The following TNRC6A variants were observed in gnomAD, a reference collection of about 807,000 sequenced individuals.
TNRC6A encodes trinucleotide repeat containing adaptor 6A, also known as trinucleotide repeat-containing gene 6A protein.
In TNRC6A, 44 loss-of-function variants were observed where a neutral mutation model predicts 221.2. The ratio of observed to expected loss-of-function variants is 0.20; its 90% CI spans 0.16 to 0.26. The LOEUF (loss-of-function observed/expected upper bound fraction) is 0.26, where lower values mean the gene tolerates loss of function less well. Ranked by LOEUF, TNRC6A falls within the 10% of genes least tolerant of loss-of-function variation. The probability of loss-of-function intolerance (pLI) is 1.00; values close to 1 mark genes in which losing one functional copy is unlikely to be tolerated. For synonymous variants in TNRC6A, 847 were observed against 838.5 expected (o/e 1.01, Z -0.18); for missense variants, 2,199 against 2,404.4 (o/e 0.91, Z 1.79).
chr16:24,818,620 T>A lies in TNRC6A; in HGVS notation c.5000T>A (p.Leu1667Gln), dbSNP rs756061242. Residue 1667 changes from leucine to glutamine, a missense_variant, in exon 21 of 25, where the codon CTG (leucine) becomes CAG (glutamine). This residue lies in a region of TNRC6A where 449 missense variants were observed against 579.7 expected (regional missense o/e 0.77). Transcript: ENST00000395799. The part of the protein sequence containing the change: ...SGSSSSLNTT[L>Q]PSTSAWSSIR... Reference sequence around the variant, plus strand: ...TCATCCTCATCCTTGAACACCACGCTGCCTTCAACTAGTGCCTGGTCATCC... The same window carrying A: ...TCATCCTCATCCTTGAACACCACGCAGCCTTCAACTAGTGCCTGGTCATCC... 1 of 1,614,178 alleles carries A rather than the reference T, an allele frequency of 6.2e-7. No individual in the cohort carries two copies. The highest frequency in any genetic ancestry group is 2.2e-5 in the East Asian group (1 of 44,888).
chr16:24,733,181 C>T (rs1396301383), intron 2 of TNRC6A, among the ~76,000 whole-genome samples: 1 of 152,110 alleles, frequency 6.6e-6, no homozygotes, highest in African/African-American at 2.4e-5. Flanking sequence ...GCACTCCAGC[C>T]TACTTGACAG....
chr16:24,678,566 A>C (rs994515442), intron 2 of TNRC6A, among the ~76,000 whole-genome samples: 2 of 152,136 alleles, frequency 1.3e-5, no homozygotes, highest in Non-Finnish European at 2.9e-5. Flanking sequence ...CCAGCCAGGC[A>C]TGGTGGCGCA....
chr16:24,716,788 T>C (rs2056320779), intron 2 of TNRC6A, among the ~76,000 whole-genome samples: 1 of 150,876 alleles, frequency 6.6e-6, no homozygotes, highest in Admixed American at 6.6e-5. Context: ...TGAAACCCCG[T>C]CTCTACGAAA....
chr16:24,756,347 T>C (rs1197263122), intron 3 of TNRC6A, among the ~76,000 whole-genome samples: 3 of 152,210 alleles, frequency 2.0e-5, no homozygotes, highest in Admixed American at 1.3e-4. Context: ...TTTTTAATAA[T>C]TTGAATAATA....
chr16:24,647,091 C>G (rs1261524436), intron 2 of TNRC6A, among the ~76,000 whole-genome samples: 1 of 151,970 alleles, frequency 6.6e-6, no homozygotes, highest in African/African-American at 2.4e-5. Flanking sequence ...CCACCACACT[C>G]AGCCATTTTT....
intron 3 of TNRC6A, among the ~76,000 whole-genome samples, chr16:24,756,350 G>T (rs529464826): frequency 1.3e-5 from 2 of 152,182 alleles, no homozygotes; most frequent in East Asian, 1.9e-4. Context: ...TTAATAATTT[G>T]AATAATATAC....
At chr16:24,631,971 A>C (rs1246335062) in intron 1 of TNRC6A, among the ~76,000 whole-genome samples, 1 of 151,656 alleles carries the variant, frequency 6.6e-6, no homozygotes, top group East Asian at 1.9e-4. Context: ...GGATCCTCCT[A>C]TCTCAGCCTC....
Position 24,818,617 on chromosome 16 carries a change from C to T in TNRC6A, c.4997C>T (p.Thr1666Met), listed in dbSNP as rs35122306. 1.0e-3 allele frequency: 1,620 copies of T among 1,614,036 alleles called. 4 individuals are homozygous for T. Among genetic ancestry groups the T allele is most frequent in the Non-Finnish European group, 1.3e-3 (1,488 of 1,179,998 alleles). The change falls in exon 21 of 25, where the codon ACG (threonine) becomes ATG (methionine). Residue 1666 changes from threonine to methionine, a missense_variant. Around this residue, in one of 8 missense-constraint regions of TNRC6A, gnomAD observed 449 missense variants for 579.7 expected, o/e 0.77. Transcript: ENST00000395799. ...NSGSSSSLNT[T>M]LPSTSAWSSI... is the part of the protein sequence containing the mutation. ...GGGTCATCCTCATCCTTGAACACCA[C>T]GCTGCCTTCAACTAGTGCCTGGTCA... is the stretch of plus-strand genomic sequence containing the variant.
chr16:24,642,845 C>T (rs1380192906), intron 2 of TNRC6A, among the ~76,000 whole-genome samples: 1 of 151,434 alleles, frequency 6.6e-6, no homozygotes, highest in African/African-American at 2.4e-5. Flanking sequence ...GTGTTCAAGA[C>T]CAGCCTAGGC....
At chr16:24,690,023 A>T (rs1412635128) in intron 2 of TNRC6A, among the ~76,000 whole-genome samples, 1 of 98,486 alleles carries the variant, frequency 1.0e-5, no homozygotes, top group Non-Finnish European at 2.5e-5. Flanking sequence ...AAAAAAAAAA[A>T]AAAATTTTTT....
Position 24,790,834 on chromosome 16 carries a change from A to G in TNRC6A, c.2192A>G (p.Asn731Ser). 2 of 1,614,190 alleles carry G rather than the reference A, an allele frequency of 1.2e-6. No homozygotes were observed. Among genetic ancestry groups the G allele is most frequent in the Non-Finnish European group, 1.7e-6 (2 of 1,180,050 alleles). The change falls in exon 6 of 25, where the codon AAT becomes AGT. Residue 731 changes from asparagine to serine, a missense_variant. Transcript: ENST00000395799. ...TGGGGACAGACTCCTATTAAGCAGA[A>G]TACTGCCTGGGATACAGAAACATCA... Reference protein sequence around the residue: ...SGWGQTPIKQNTAWDTETSPR... With the variant: ...SGWGQTPIKQSTAWDTETSPR...
intron 2 of TNRC6A, among the ~76,000 whole-genome samples, chr16:24,733,926 A>G (rs940503081): frequency 2.0e-5 from 3 of 152,244 alleles, no homozygotes; most frequent in Non-Finnish European, 4.4e-5. Flanking sequence ...CTGTAATCCC[A>G]GCACTTTGGG....
intron 3 of TNRC6A, among the ~76,000 whole-genome samples, chr16:24,753,332 C>A (rs2057178037): frequency 6.6e-6 from 1 of 152,202 alleles, no homozygotes; most frequent in Non-Finnish European, 1.5e-5. Context: ...AGATCTTCAG[C>A]ACTGATAGGG....
intron 4 of TNRC6A, among the ~76,000 whole-genome samples, chr16:24,770,240 G>T: frequency 6.6e-6 from 1 of 152,218 alleles, no homozygotes; most frequent in Non-Finnish European, 1.5e-5. Flanking sequence ...AATGCAGTGA[G>T]TGTGGACATA....
intron 3 of TNRC6A, 102 bp downstream of exon 3, chr16:24,750,915 A>G: frequency 9.1e-7 from 1 of 1,103,552 alleles, no homozygotes; most frequent in Non-Finnish European, 1.2e-6. Context: ...TTAATGTTTT[A>G]GCTTTAATGG....
rs2058398020 is a variant in TNRC6A, at chr16:24,804,854, A to G, written c.3984+3A>G. 5 of 1,613,568 alleles carry G rather than the reference A, an allele frequency of 3.1e-6. No individual in the cohort carries two copies. Among genetic ancestry groups the G allele is most frequent in the Non-Finnish European group, 4.2e-6 (5 of 1,179,896 alleles). On this transcript the variant is annotated splice_donor_region_variant and intron_variant, in intron 13 of 24. Transcript: ENST00000395799. ...AAAACTTGAATTCTGTTAGACAGGT[A>G]AGTCCAGATGTGTATTTTAGGCTCT...
Position 24,776,078 on chromosome 16 carries a change from G to A in TNRC6A, c.164-855G>A, listed in dbSNP as rs1440708897. ...AGGCTCAGTTAGGTTTATACAACTT[G>A]CCCAAAGACAGAAAGCTTGTAAAGG... is the stretch of plus-strand genomic sequence containing the variant. On this transcript the variant is annotated intron_variant, in intron 4 of 24. Transcript: ENST00000395799. Among the ~76,000 whole-genome samples the A allele has an allele frequency of 3.9e-5, 6 of 152,086 alleles. No individual in the cohort carries two copies. The East Asian group carries it at 9.7e-4, about 25-fold the overall frequency.
intron 5 of TNRC6A, among the ~76,000 whole-genome samples, chr16:24,785,417 T>C (rs550554864): frequency 7.2e-5 from 11 of 152,242 alleles, no homozygotes; most frequent in Non-Finnish European, 1.3e-4. Flanking sequence ...AATATAATCA[T>C]ATATGACTTT....
At chr16:24,754,407 A>G (rs2057203889) in intron 3 of TNRC6A, among the ~76,000 whole-genome samples, 1 of 152,194 alleles carries the variant, frequency 6.6e-6, no homozygotes, top group Non-Finnish European at 1.5e-5. Context: ...ATGGAGACCG[A>G]TGACTTTTGT....
Sources: allele counts gnomAD v4.1 joint callset (sites outside exome capture counted in the v4.1 genomes callset), GRCh38; gene constraint gnomAD v4.1.1; regional missense constraint gnomAD v4.1.1; transcripts MANE v1.5; gene names NCBI Gene and HGNC (gene_info 2026-07-23, HGNC 2026-07-21).